The following HDAC9 variants were observed in gnomAD, a reference collection of about 807,000 sequenced individuals.
The protein encoded by HDAC9 is histone deacetylase 9.
Under a neutral mutation model 139.4 loss-of-function variants are expected in HDAC9, and 41 were observed. The ratio of observed to expected loss-of-function variants is 0.29; its 90% CI spans 0.23 to 0.38. HDAC9 has a LOEUF of 0.38. Among genes scored for constraint, HDAC9 ranks in the 10% least tolerant of loss-of-function variants. The pLI is 1.00. For synonymous variants in HDAC9, 517 were observed against 476.2 expected (o/e 1.09, Z -1.12); for missense variants, 1,147 against 1,297.0 (o/e 0.88, Z 1.78).
rs150573329 is a variant in HDAC9, at chr7:18,507,213, C to T, written c.22+10889C>T. On this transcript the variant is annotated intron_variant, in intron 2 of 25. Coordinates refer to ENST00000686413, the MANE Select transcript of HDAC9 (RefSeq NM_178425.4). Reference sequence around the variant, plus strand: ...TTATTATTATTATTACTATTTGAGACGGAGTCTCACTCTGTCGCCCAGGCT... The same window carrying T: ...TTATTATTATTATTACTATTTGAGATGGAGTCTCACTCTGTCGCCCAGGCT... Among the ~76,000 whole-genome samples the T allele has an allele frequency of 6.0e-3, 742 of 123,832 alleles. 3 individuals are homozygous for T. Among genetic ancestry groups the T allele is most frequent in the African/African-American group, 0.025 (675 of 26,966 alleles). The allele number at this position is 123,832 out of a possible 152,430, so 81.2% of individuals were successfully genotyped here. A position where few individuals can be genotyped will look rare whatever the true frequency, so the allele number is the denominator to read the frequency against.
intron 1 of HDAC9, among the ~76,000 whole-genome samples, chr7:18,486,990 T>C (rs1219383848): frequency 6.6e-6 from 1 of 152,026 alleles, no homozygotes; most frequent in Non-Finnish European, 1.5e-5. Context: ...TTGGAGAGTG[T>C]TTTGGGGGAT....
chr7:18,175,403 C>T lies in HDAC9; in HGVS notation c.25+13054C>T, dbSNP rs1479201618. 2.6e-5 allele frequency among the ~76,000 whole-genome samples: 4 copies of T among 152,234 alleles called. No homozygotes were observed. The East Asian group carries it at 7.7e-4, about 29-fold the overall frequency. ...GCTAGGAAAGGGAATTCCCCAACTC[C>T]TTGCACTTCCCAGGTGAGGTGATGC... On this transcript the variant is annotated intron_variant, in intron 2 of 12. Transcript: ENST00000417496.
At chr7:18,592,848 A>T (rs1184002241) in intron 5 of HDAC9, among the ~76,000 whole-genome samples, 1 of 152,192 alleles carries the variant, frequency 6.6e-6, no homozygotes. Flanking sequence ...AACTACACAC[A>T]TAATTTATAG....
chr7:18,703,272 T>A (rs1033823137), intron 12 of HDAC9, among the ~76,000 whole-genome samples: 1 of 152,180 alleles, frequency 6.6e-6, no homozygotes, highest in Admixed American at 6.5e-5. Flanking sequence ...AACAAAAAAA[T>A]TAATGATATT....
chr7:18,244,541 A>G (rs575029099), intron 2 of HDAC9, among the ~76,000 whole-genome samples: 24 of 152,278 alleles, frequency 1.6e-4, no homozygotes, highest in South Asian at 6.2e-4. Flanking sequence ...GCTCATGCCT[A>G]TAATCCCAGC....
At chr7:18,335,926 C>T (rs1358337757) in intron 1 of HDAC9, among the ~76,000 whole-genome samples, 8 of 151,580 alleles carry the variant, frequency 5.3e-5, no homozygotes, top group Non-Finnish European at 8.9e-5. Flanking sequence ...GTACTTCAGT[C>T]ACACAGACAT....
chr7:18,787,517 A>T (rs536662277), intron 16 of HDAC9, among the ~76,000 whole-genome samples: 1 of 152,214 alleles, frequency 6.6e-6, no homozygotes, highest in Admixed American at 6.5e-5. Flanking sequence ...TGCTTGGTAC[A>T]TTAGTTACAT....
chr7:18,450,247 A>G (rs1792689967), intron 1 of HDAC9, among the ~76,000 whole-genome samples: 1 of 152,230 alleles, frequency 6.6e-6, no homozygotes, highest in South Asian at 2.1e-4. Context: ...TCACTCACTG[A>G]CACTAAATGG....
chr7:18,502,033 C>T (rs1233963999), intron 2 of HDAC9, among the ~76,000 whole-genome samples: 1 of 152,142 alleles, frequency 6.6e-6, no homozygotes, highest in Non-Finnish European at 1.5e-5. Context: ...CTGGTCTTAG[C>T]CTTGGTTGGT....
intron 17 of HDAC9, among the ~76,000 whole-genome samples, chr7:18,799,640 A>G (rs1435829700): frequency 6.6e-6 from 1 of 152,216 alleles, no homozygotes; most frequent in African/African-American, 2.4e-5. Flanking sequence ...GATAACTTAA[A>G]TGAAAAATTT....
chr7:18,360,174 A>T (rs376513472), intron 1 of HDAC9, among the ~76,000 whole-genome samples: 1 of 152,214 alleles, frequency 6.6e-6, no homozygotes, highest in Non-Finnish European at 1.5e-5. Flanking sequence ...CTCCAGTCCT[A>T]ACCTCTTATC....
chr7:18,882,794 A>C (rs2129257834), intron 22 of HDAC9, among the ~76,000 whole-genome samples: 1 of 152,294 alleles, frequency 6.6e-6, no homozygotes, highest in Admixed American at 6.6e-5. Flanking sequence ...CTGGGTGTTT[A>C]GATGATATAT....
At chr7:18,529,603 G>A (rs1258302206) in intron 2 of HDAC9, among the ~76,000 whole-genome samples, 1 of 152,170 alleles carries the variant, frequency 6.6e-6, no homozygotes, top group Non-Finnish European at 1.5e-5. Context: ...AAAGAAAACT[G>A]ATAATTGTGT....
chr7:18,551,865 T>C (rs548087744), intron 2 of HDAC9, among the ~76,000 whole-genome samples: 1 of 152,324 alleles, frequency 6.6e-6, no homozygotes, highest in South Asian at 2.1e-4. Flanking sequence ...CAGCAGAAGG[T>C]AACCACTACA....
intron 2 of HDAC9, among the ~76,000 whole-genome samples, chr7:18,163,329 T>G (rs1264622364): frequency 6.6e-6 from 1 of 152,212 alleles, no homozygotes; most frequent in Non-Finnish European, 1.5e-5. Context: ...CACAACCATG[T>G]TTGATAATTG....
intron 4 of HDAC9, 135 bp downstream of exon 4, chr7:18,590,621 A>C: frequency 1.1e-6 from 1 of 897,980 alleles, no homozygotes; most frequent in South Asian, 2.2e-5. Flanking sequence ...TAGATTACAG[A>C]CCCAACTGTA....
chr7:18,818,660 A>T (rs927391378), intron 17 of HDAC9, among the ~76,000 whole-genome samples: 8 of 152,202 alleles, frequency 5.3e-5, no homozygotes, highest in African/African-American at 1.9e-4. Context: ...AGTCTGAATC[A>T]TCTTGACGTT....
intron 2 of HDAC9, among the ~76,000 whole-genome samples, chr7:18,573,762 G>T (rs1226213641): frequency 6.6e-6 from 1 of 152,200 alleles, no homozygotes; most frequent in Non-Finnish European, 1.5e-5. Context: ...TCTGCTATGG[G>T]CATCCGTGTC....
At chr7:18,880,356 G>A (rs1015238340) in intron 22 of HDAC9, among the ~76,000 whole-genome samples, 4 of 152,040 alleles carry the variant, frequency 2.6e-5, no homozygotes, top group African/African-American at 7.2e-5. Context: ...ACACATGCTC[G>A]CAAATGTTCA....
Sources: gnomAD v4.1 joint callset for allele counts (sites outside exome capture counted in the v4.1 genomes callset) on GRCh38, gnomAD v4.1.1 for gene constraint, MANE v1.5 for transcripts, NCBI Gene and HGNC (gene_info 2026-07-23, HGNC 2026-07-21) for gene names.